The following TUBGCP5 variants were observed in gnomAD, a reference collection of about 807,000 sequenced individuals.
TUBGCP5 encodes the protein gamma-tubulin complex component 5.
In TUBGCP5, 98 loss-of-function variants were observed where a neutral mutation model predicts 134.7. The observed-to-expected ratio is 0.73, with a 90% CI of 0.62 to 0.86. TUBGCP5 has a LOEUF of 0.86. Ranked by LOEUF, TUBGCP5 falls within the 40% of genes least tolerant of loss-of-function variation. The pLI, the probability that TUBGCP5 is intolerant of heterozygous loss-of-function variation, is 0.00. For synonymous variants in TUBGCP5, 456 were observed against 431.4 expected, an observed-to-expected ratio of 1.06 and a Z score of -0.71; for missense variants, 1,150 against 1,244.8, an observed-to-expected ratio of 0.92 and a Z score of 1.15.
intron 6 of TUBGCP5, among the ~76,000 whole-genome samples, chr15:23,029,789 G>A (rs954357839): frequency 9.9e-5 from 15 of 152,002 alleles, no homozygotes; most frequent in African/African-American, 3.4e-4. Context: ...ACTGAGGCAG[G>A]AGAATTGTTT....
At position 23,037,499 on chromosome 15, in the gene TUBGCP5, G is replaced by C. The variant is rs140003782; in HGVS notation, c.147-347C>G. 6.6e-5 allele frequency among the ~76,000 whole-genome samples: 10 copies of C among 152,088 alleles called. No individual in the cohort carries two copies. The East Asian group carries it at 1.7e-3, about 26-fold the overall frequency. On this transcript the variant is annotated intron_variant, in intron 1 of 22. Transcript: ENST00000615383. ...CATAGTGAGGCCCGGTGAAGCCTAA[G>C]GACCCCTTCTCTGAATAACATTTTT...
intron 10 of TUBGCP5, 73 bp downstream of exon 10, chr15:23,023,874 T>C: frequency 6.9e-7 from 1 of 1,447,518 alleles, no homozygotes; most frequent in Non-Finnish European, 9.3e-7. Context: ...AAATCTTATA[T>C]AATAAAAACT....
chr15:23,018,816 AAT>A (rs2065489341), intron 12 of TUBGCP5, among the ~76,000 whole-genome samples: 1 of 152,190 alleles, frequency 6.6e-6, no homozygotes, highest in South Asian at 2.1e-4. Context: ...ATCAGTAGAT[AAT>A]TCAGAGAAAT....
At chr15:23,028,371 C>A in intron 6 of TUBGCP5, among the ~76,000 whole-genome samples, 1 of 124,100 alleles carries the variant, frequency 8.1e-6, no homozygotes. Context: ...CAGAGCAGGG[C>A]CCGGTCTTAA....
At chr15:23,021,856 A>G in intron 11 of TUBGCP5, 103 bp downstream of exon 11, 3 of 1,248,302 alleles carry the variant, frequency 2.4e-6, no homozygotes, top group Non-Finnish European at 3.5e-6. Context: ...GAACTGTCTG[A>G]CGAGTCATCA....
chr15:23,004,407 T>C, intron 19 of TUBGCP5, 180 bp from the exon 20 acceptor site: 2 of 705,166 alleles, frequency 2.8e-6, no homozygotes, highest in Non-Finnish European at 4.4e-6. Context: ...GGCGTTCTGA[T>C]CCTAAGAGGA....
At chr15:22,993,525 G>GTTGTTTTTTTTT in intron 23 of TUBGCP5, among the ~76,000 whole-genome samples, 1 of 69,276 alleles carries the variant, frequency 1.4e-5, no homozygotes, top group African/African-American at 6.0e-5. Context: ...AGCCCCCGAA[G>GTTGTTTTTTTTT]TTTTTTTTTT....
At chr15:22,983,662 T>C (rs946567279) in intron 23 of TUBGCP5, 4 of 151,992 alleles carry the variant, frequency 2.6e-5, no homozygotes, top group East Asian at 3.9e-4. Flanking sequence ...TTAACAATAA[T>C]AAAAATAGAA....
At chr15:23,018,503 G>A (rs1181046370) in intron 12 of TUBGCP5, among the ~76,000 whole-genome samples, 1 of 152,188 alleles carries the variant, frequency 6.6e-6, no homozygotes, top group Non-Finnish European at 1.5e-5. Context: ...TCAGAACACA[G>A]TGACAGATAT....
At chr15:23,031,521 G>T (rs1251283090) in intron 5 of TUBGCP5, among the ~76,000 whole-genome samples, 1 of 152,052 alleles carries the variant, frequency 6.6e-6, no homozygotes, top group Non-Finnish European at 1.5e-5. Flanking sequence ...TCACTATGTT[G>T]CCCAGGCTGC....
chr15:23,027,380 T>C (rs2066040365), intron 6 of TUBGCP5, 74 bp from the exon 7 acceptor site: 4 of 1,203,818 alleles, frequency 3.3e-6, no homozygotes, highest in Admixed American at 3.7e-5. Context: ...GACTTACAGC[T>C]CCATTCAAAC....
In TUBGCP5 at chr15:22,999,854, G is replaced by A. The variant is rs779472082; in HGVS notation, c.3041C>T (p.Ala1014Val). Reference protein sequence around the residue: ...RGSFPHLESLALSLMAGMEQS With the variant: ...RGSFPHLESLVLSLMAGMEQS The stretch of plus-strand genomic sequence containing the variant: ...TTCCATGCCAGCCATGAGTGACAAC[G>A]CTAGAGATTCCACTGTGGGAAGAAT... Residue 1014 changes from alanine (A) to valine (V), a missense_variant, in exon 23 of 23, where the codon GCG becomes GTG. Ala to Val is a moderately conservative substitution (Grantham distance 64). This residue lies in a region of TUBGCP5 where 697 missense variants were observed against 850.1 expected (regional missense o/e 0.82). Coordinates refer to ENST00000615383, the MANE Select transcript of TUBGCP5 (RefSeq NM_052903.6). 3.1e-6 allele frequency: 5 copies of A among 1,613,834 alleles called. No homozygotes were observed. Among genetic ancestry groups the A allele is most frequent in the South Asian group, 2.2e-5 (2 of 91,074 alleles).
At chr15:22,995,200 C>A (rs1468380209), downstream of TUBGCP5, among the ~76,000 whole-genome samples, 1 of 151,890 alleles carries the variant, frequency 6.6e-6, no homozygotes, top group African/African-American at 2.4e-5. Flanking sequence ...GCTGAGATCA[C>A]ACCATTGCAC....
intron 6 of TUBGCP5, among the ~76,000 whole-genome samples, chr15:23,029,638 C>T (rs374785786): frequency 4.0e-5 from 6 of 151,622 alleles, no homozygotes; most frequent in South Asian, 2.1e-4. Flanking sequence ...AATCCCCGCA[C>T]GTTGGGAGGC....
At chr15:22,998,451 ATTTC>A (rs985918760), downstream of TUBGCP5, among the ~76,000 whole-genome samples, 12 of 152,114 alleles carry the variant, frequency 7.9e-5, no homozygotes, top group East Asian at 1.4e-3. Context: ...ACATATATAC[ATTTC>A]TTTCTTTCTT....
chr15:23,011,156 T>C lies in TUBGCP5; in HGVS notation c.1932A>G (p.Pro644=). Residue 644 remains proline (P), a synonymous_variant, in exon 14 of 23, where the codon CCA becomes CCG. Transcript: ENST00000615383. ...ACCTTGCAAAGTTAATGGCAAGCAG[T>C]GGATCATGAACATCATCCAGTTCAA... ...SHLELDDVHD[P]LLAINFARMY... 1 of 1,614,074 alleles carries C rather than the reference T, an allele frequency of 6.2e-7. No individual in the cohort carries two copies. The highest frequency in any genetic ancestry group is 8.5e-7 in the Non-Finnish European group (1 of 1,180,006).
At chr15:22,996,083 C>G (rs1251920641), downstream of TUBGCP5, among the ~76,000 whole-genome samples, 1 of 152,196 alleles carries the variant, frequency 6.6e-6, no homozygotes. Flanking sequence ...ATACAAATCT[C>G]TGCGTGGACG....
chr15:23,006,297 T>G lies in TUBGCP5; in HGVS notation c.2383A>C (p.Ile795Leu), dbSNP rs768191916. The change falls in exon 17 of 23, where the codon ATC (isoleucine) becomes CTC (leucine). Residue 795 changes from isoleucine to leucine, a missense_variant. Ile to Leu is a conservative substitution (Grantham distance 5). Coordinates refer to ENST00000615383, the MANE Select transcript of TUBGCP5 (RefSeq NM_052903.6). ...DTAKKKLPVH[I>L]LDGLTLSYKV... ...TAGCTGAGGGTCAGACCATCTAAGA[T>G]ATGAACAGGCAGCTTCTTCTTAGCT... is the stretch of plus-strand genomic sequence containing the variant. The G allele has an allele frequency of 7.5e-6, 12 of 1,610,290 alleles. No individual in the cohort carries two copies. The South Asian group carries it at 1.3e-4, about 18-fold the overall frequency.
In TUBGCP5 at chr15:23,008,710, T is replaced by C. The variant is rs748054894; in HGVS notation, c.2316A>G (p.Glu772=). Residue 772 remains glutamate (E), a synonymous_variant, in exon 16 of 23, where the codon GAA becomes GAG. Coordinates refer to ENST00000615383, the MANE Select transcript of TUBGCP5 (RefSeq NM_052903.6). ...CGTCCATATTTTACCGTGAACTATC[T>C]TCAGGATAACGCTGTCCTACTGCTT... ...LQEAVGQRYP[E]DSSRLSISFE... The C allele has an allele frequency of 1.2e-6, 2 of 1,607,722 alleles. No homozygotes were observed. The highest frequency in any genetic ancestry group is 2.2e-5 in the South Asian group (2 of 89,308).
Sources: gnomAD v4.1 joint callset for allele counts (sites outside exome capture counted in the v4.1 genomes callset) on GRCh38, gnomAD v4.1.1 for gene constraint, gnomAD v4.1.1 regional missense constraint, MANE v1.5 for transcripts, NCBI Gene and HGNC (gene_info 2026-07-23, HGNC 2026-07-21) for gene names.